Variants in CACNA2D3 observed in about 807,000 individuals in gnomAD.
CACNA2D3 encodes voltage-dependent calcium channel subunit alpha-2/delta-3.
A neutral mutation model predicts 160.6 loss-of-function variants in CACNA2D3; 60 were observed. That is an observed-to-expected ratio of 0.37 (90% CI 0.30 to 0.46). The LOEUF is 0.46. CACNA2D3 is among the 20% of genes least tolerant of loss of function. CACNA2D3 has a pLI of 1.00. For synonymous variants in CACNA2D3, 558 were observed against 492.9 expected, an observed-to-expected ratio of 1.13 and a Z score of -1.75; for missense variants, 1,205 against 1,365.0, an observed-to-expected ratio of 0.88 and a Z score of 1.85.
intron 2 of CACNA2D3, among the ~76,000 whole-genome samples, chr3:54,138,013 C>T (rs1699850267): frequency 6.6e-6 from 1 of 152,240 alleles, no homozygotes; most frequent in Non-Finnish European, 1.5e-5. Context: ...GAGCCAGTCA[C>T]AGTGCTGTGC....
chr3:54,879,471 A>G (rs1023216453), intron 20 of CACNA2D3, 60 bp downstream of exon 20: 65 of 1,175,880 alleles, frequency 5.5e-5, no homozygotes, highest in Non-Finnish European at 8.1e-5. Flanking sequence ...TTTGTACAAA[A>G]CCTGCTGACA....
chr3:54,792,050 A>G (rs1575477591), intron 13 of CACNA2D3, among the ~76,000 whole-genome samples: 1 of 152,154 alleles, frequency 6.6e-6, no homozygotes, highest in Non-Finnish European at 1.5e-5. Context: ...AGCCATCTGT[A>G]TTTTCAGGAT....
At chr3:54,774,029 A>T (rs1240656798) in intron 13 of CACNA2D3, among the ~76,000 whole-genome samples, 1 of 152,230 alleles carries the variant, frequency 6.6e-6, no homozygotes, top group African/African-American at 2.4e-5. Context: ...GGATAAGAGC[A>T]TCTAGCCTGA....
intron 29 of CACNA2D3, among the ~76,000 whole-genome samples, chr3:54,970,295 A>C (rs1261673502): frequency 3.9e-5 from 6 of 152,194 alleles, no homozygotes; most frequent in Non-Finnish European, 8.8e-5. Context: ...TGTAATAAGC[A>C]AACAAAAAAC....
At chr3:54,153,413 G>T (rs377478558) in intron 2 of CACNA2D3, among the ~76,000 whole-genome samples, 1 of 152,186 alleles carries the variant, frequency 6.6e-6, no homozygotes. Flanking sequence ...GGTGGCCCCT[G>T]GACTTGTGGG....
At chr3:54,795,799 T>TA (rs1702855332) in intron 13 of CACNA2D3, among the ~76,000 whole-genome samples, 1 of 152,232 alleles carries the variant, frequency 6.6e-6, no homozygotes, top group African/African-American at 2.4e-5. Flanking sequence ...CATTGAATTG[T>TA]AAACACCAGT....
intron 4 of CACNA2D3, among the ~76,000 whole-genome samples, chr3:54,464,705 C>T (rs1425465881): frequency 6.6e-6 from 1 of 152,224 alleles, no homozygotes; most frequent in Non-Finnish European, 1.5e-5. Context: ...GGAAGGGGAA[C>T]TCCCTGACCC....
At chr3:54,734,537 G>A (rs770478710) in intron 11 of CACNA2D3, among the ~76,000 whole-genome samples, 2 of 152,184 alleles carry the variant, frequency 1.3e-5, no homozygotes, top group African/African-American at 4.8e-5. Context: ...TAACTCTAAG[G>A]CATGCATCCC....
intron 27 of CACNA2D3, among the ~76,000 whole-genome samples, chr3:54,914,316 A>C (rs1262293887): frequency 6.6e-6 from 1 of 152,212 alleles, no homozygotes; most frequent in African/African-American, 2.4e-5. Flanking sequence ...TGGGCTCAGC[A>C]GATAACTTTG....
intron 9 of CACNA2D3, among the ~76,000 whole-genome samples, chr3:54,608,657 GTGGTAGTGCTCAA>G (rs1489469586): frequency 6.6e-6 from 1 of 152,234 alleles, no homozygotes; most frequent in Non-Finnish European, 1.5e-5. Context: ...GGAAATCTCA[GTGGTAGTGCTCAA>G]AGATGTGGCT....
At chr3:54,125,233 C>G (rs527468348) in intron 2 of CACNA2D3, among the ~76,000 whole-genome samples, 3 of 121,272 alleles carry the variant, frequency 2.5e-5, no homozygotes, top group Non-Finnish European at 3.4e-5. Flanking sequence ...TTTTCTTTCT[C>G]TTTGAAGTTA....
At chr3:55,043,221 T>G (rs1239365020) in intron 35 of CACNA2D3, among the ~76,000 whole-genome samples, 2 of 152,140 alleles carry the variant, frequency 1.3e-5, no homozygotes, top group Non-Finnish European at 2.9e-5. Context: ...TTTTGCCTTC[T>G]TGTCAGCACT....
chr3:54,350,932 GT>G (rs1237044302), intron 3 of CACNA2D3, among the ~76,000 whole-genome samples: 3 of 130,872 alleles, frequency 2.3e-5, no homozygotes, highest in Admixed American at 7.8e-5. Context: ...TAGGTCAGAT[GT>G]TTCCATACTG....
In CACNA2D3 at chr3:54,557,069, A is replaced by ACAG. The variant is rs759693948; in HGVS notation, c.545-5729_545-5727dup. 1.1e-4 allele frequency among the ~76,000 whole-genome samples: 16 copies of ACAG among 152,248 alleles called. No individual in the cohort carries two copies. In the East Asian group the frequency reaches 3.1e-3, roughly 29 times the overall value. ...ATCTTTTAAATGACTGTAACAATAG[A>ACAG]CAGCTATTTAAGATTTCCCCTTCTA... On this transcript the variant is annotated intron_variant, in intron 5 of 37. Coordinates refer to ENST00000474759, the MANE Select transcript of CACNA2D3 (RefSeq NM_018398.3).
intron 23 of CACNA2D3, among the ~76,000 whole-genome samples, chr3:54,886,581 C>T (rs901873627): frequency 6.6e-6 from 1 of 152,134 alleles, no homozygotes; most frequent in African/African-American, 2.4e-5. Context: ...AGCCTCGTTT[C>T]CCTCCCAAAG....
intron 4 of CACNA2D3, among the ~76,000 whole-genome samples, chr3:54,464,812 G>A (rs1245580900): frequency 2.0e-5 from 3 of 152,186 alleles, no homozygotes; most frequent in African/African-American, 7.2e-5. Context: ...GCACTCCCTA[G>A]TGAGATGAAC....
chr3:54,449,137 G>T lies in CACNA2D3; in HGVS notation c.382-54355G>T, dbSNP rs149344497. Among the ~76,000 whole-genome samples the T allele has an allele frequency of 3.8e-3, 573 of 152,312 alleles. 5 individuals are homozygous for T. Among genetic ancestry groups the T allele is most frequent in the African/African-American group, 0.013 (553 of 41,564 alleles). ...GGTTGCAATAATATGGAGTAAAGAA[G>T]CTGGATCCAAGAATCAATACGTGTT... On this transcript the variant is annotated intron_variant, in intron 4 of 37. Transcript: ENST00000474759.
intron 4 of CACNA2D3, among the ~76,000 whole-genome samples, chr3:54,439,185 T>C (rs1700104719): frequency 6.6e-6 from 1 of 152,206 alleles, no homozygotes; most frequent in Admixed American, 6.5e-5. Context: ...TTATCACAGC[T>C]AGCAGCCTAG....
At chr3:55,058,013 T>A (rs1294354470) in intron 35 of CACNA2D3, among the ~76,000 whole-genome samples, 7 of 152,186 alleles carry the variant, frequency 4.6e-5, no homozygotes, top group Non-Finnish European at 1.0e-4. Context: ...GGAACAGTAA[T>A]TTAAAAGTCT....
Sources: gnomAD v4.1 joint callset for allele counts (sites outside exome capture counted in the v4.1 genomes callset) on GRCh38, gnomAD v4.1.1 for gene constraint, MANE v1.5 for transcripts, NCBI Gene and HGNC (gene_info 2026-07-23, HGNC 2026-07-21) for gene names.